The following FRMD3 variants were observed in gnomAD, a reference collection of about 807,000 sequenced individuals.
The protein encoded by FRMD3 is FERM domain-containing protein 3.
FRMD3 carries 33 observed loss-of-function variants against 70.2 expected under a neutral mutation model. The observed-to-expected ratio is 0.47, with a 90% CI of 0.36 to 0.63. The LOEUF (loss-of-function observed/expected upper bound fraction) is 0.63, where lower values mean the gene tolerates loss of function less well. Ranked by LOEUF, FRMD3 falls within the 20% of genes least tolerant of loss-of-function variation. The probability of loss-of-function intolerance (pLI) is 0.00; values close to 1 mark genes in which losing one functional copy is unlikely to be tolerated. For missense variants in FRMD3, 632 were observed against 711.4 expected (o/e 0.89, Z 1.27); for synonymous variants, 279 against 255.9 (o/e 1.09, Z -0.86).
chr9:83,585,551 A>AC, the FRMD3 span, among the ~76,000 whole-genome samples: 1 of 152,068 alleles, frequency 6.6e-6, no homozygotes, highest in Non-Finnish European at 1.5e-5. Context: ...GCTTATACTC[A>AC]CCTCTCTTCT....
rs548936484 is a variant in FRMD3 at position 83,379,092 on chromosome 9, G to A, written c.253-6137C>T. Among the ~76,000 whole-genome samples, 3 of 151,738 alleles carry A rather than the reference G, an allele frequency of 2.0e-5. No individual in the cohort carries two copies. The East Asian group carries it at 5.8e-4, about 29-fold the overall frequency. On this transcript the variant is annotated intron_variant, in intron 2 of 13. Coordinates refer to ENST00000304195, the MANE Select transcript of FRMD3 (RefSeq NM_174938.6). Reference sequence around the variant, plus strand: ...CTCTCCCTTCTGTTCAACATGAGGAGATTAATTATCTATACAATTGCAATA... The same window carrying A: ...CTCTCCCTTCTGTTCAACATGAGGAAATTAATTATCTATACAATTGCAATA...
the FRMD3 span, among the ~76,000 whole-genome samples, chr9:83,579,301 T>TAA: frequency 6.3e-5 from 9 of 141,738 alleles, no homozygotes; most frequent in Non-Finnish European, 1.2e-4. Flanking sequence ...CAGAGAAATG[T>TAA]AAAAAAAAAA....
chr9:83,556,363 C>T, the FRMD3 span, among the ~76,000 whole-genome samples: 2 of 152,210 alleles, frequency 1.3e-5, no homozygotes, highest in Non-Finnish European at 2.9e-5. Context: ...AAGCTCTTGA[C>T]AATAGCCATA....
intron 1 of FRMD3, among the ~76,000 whole-genome samples, chr9:83,528,351 T>A (rs1394430547): frequency 6.6e-6 from 1 of 152,114 alleles, no homozygotes; most frequent in Non-Finnish European, 1.5e-5. Flanking sequence ...ATTCCAAATA[T>A]AACATACATA....
chr9:83,270,446 G>A (rs1055886863), intron 13 of FRMD3, among the ~76,000 whole-genome samples: 7 of 152,194 alleles, frequency 4.6e-5, no homozygotes, highest in African/African-American at 1.7e-4. Flanking sequence ...AGAAGTTACT[G>A]GACATCTGGG....
intron 1 of FRMD3, among the ~76,000 whole-genome samples, chr9:83,403,132 G>A (rs1826000765): frequency 6.6e-6 from 1 of 151,904 alleles, no homozygotes; most frequent in Non-Finnish European, 1.5e-5. Flanking sequence ...TCGAACTCCT[G>A]ACCTCAGGTG....
At chr9:83,572,180 CAT>C in the FRMD3 span, among the ~76,000 whole-genome samples, 2 of 150,996 alleles carry the variant, frequency 1.3e-5, no homozygotes, top group Non-Finnish European at 3.0e-5. Flanking sequence ...TGTGCATGCG[CAT>C]GTGTGTGTGT....
chr9:83,331,917 G>A, intron 6 of FRMD3: 1 of 715,730 alleles, frequency 1.4e-6, no homozygotes, highest in Non-Finnish European at 2.6e-6. Context: ...GTCCTGATCA[G>A]AGAGTTGTAA....
chr9:83,475,116 T>C (rs1406605521), intron 1 of FRMD3, among the ~76,000 whole-genome samples: 1 of 151,996 alleles, frequency 6.6e-6, no homozygotes, highest in East Asian at 1.9e-4. Flanking sequence ...CAATTAAAAA[T>C]TACCGGGCAT....
chr9:83,505,486 A>C (rs1829161884), intron 1 of FRMD3, among the ~76,000 whole-genome samples: 1 of 152,084 alleles, frequency 6.6e-6, no homozygotes, highest in Non-Finnish European at 1.5e-5. Flanking sequence ...CTGAGTAGAG[A>C]GGCGATAGGA....
intron 12 of FRMD3, among the ~76,000 whole-genome samples, chr9:83,291,306 G>A (rs1244123383): frequency 5.9e-5 from 9 of 152,176 alleles, no homozygotes; most frequent in Non-Finnish European, 2.9e-5. Flanking sequence ...AGGTGTGTCT[G>A]GCTGAGACTA....
At chr9:83,388,970 G>A (rs1006189763) in intron 2 of FRMD3, among the ~76,000 whole-genome samples, 5 of 129,622 alleles carry the variant, frequency 3.9e-5, no homozygotes, top group African/African-American at 1.3e-4. Flanking sequence ...TTTTGAGACA[G>A]GATCTTGCTC....
intron 1 of FRMD3, among the ~76,000 whole-genome samples, chr9:83,409,541 G>A (rs1238129610): frequency 3.3e-5 from 5 of 152,186 alleles, no homozygotes; most frequent in Non-Finnish European, 7.3e-5. Flanking sequence ...AAGAATGTGA[G>A]ACTCTTCAGA....
chr9:83,541,533 GAA>G (rs560750212), upstream of FRMD3, among the ~76,000 whole-genome samples: 7 of 152,344 alleles, frequency 4.6e-5, no homozygotes, highest in South Asian at 1.2e-3. Context: ...GATTTTCAAA[GAA>G]TCATTGGCAA....
chr9:83,496,424 C>T (rs1450375019), intron 1 of FRMD3, among the ~76,000 whole-genome samples: 1 of 152,156 alleles, frequency 6.6e-6, no homozygotes, highest in East Asian at 1.9e-4. Flanking sequence ...ACTCAACCAA[C>T]TTGATTACCT....
chr9:83,478,245 TAAG>T (rs1437391490), intron 1 of FRMD3, among the ~76,000 whole-genome samples: 3 of 152,184 alleles, frequency 2.0e-5, no homozygotes, highest in Non-Finnish European at 4.4e-5. Context: ...GTTCCTCCCA[TAAG>T]AAGGGCTCTA....
chr9:83,279,649 G>A (rs1264424585), intron 13 of FRMD3: 2 of 152,104 alleles, frequency 1.3e-5, no homozygotes, highest in Non-Finnish European at 2.9e-5. Flanking sequence ...TCCTTTGGAG[G>A]GACATGGAGG....
At chr9:83,509,185 A>C (rs1829278580) in intron 1 of FRMD3, among the ~76,000 whole-genome samples, 1 of 152,222 alleles carries the variant, frequency 6.6e-6, no homozygotes, top group Non-Finnish European at 1.5e-5. Context: ...TGCCTAACAC[A>C]GAGCAGATAC....
At chr9:83,253,918 T>C (rs564708228) in intron 13 of FRMD3, among the ~76,000 whole-genome samples, 76 of 152,190 alleles carry the variant, frequency 5.0e-4, no homozygotes, top group Non-Finnish European at 7.9e-4. Context: ...ATATACACCA[T>C]GGAATACTAT....
Sources: gnomAD v4.1 joint callset for allele counts (sites outside exome capture counted in the v4.1 genomes callset) on GRCh38, gnomAD v4.1.1 for gene constraint, MANE v1.5 for transcripts, NCBI Gene and HGNC (gene_info 2026-07-23, HGNC 2026-07-21) for gene names.